Variants in IL1RAPL1 observed in about 807,000 individuals in gnomAD.
The protein encoded by IL1RAPL1 is interleukin-1 receptor accessory protein-like 1.
Under a neutral mutation model 48.4 loss-of-function variants are expected in IL1RAPL1, and 3 were observed. That is an observed-to-expected ratio of 0.06 (90% confidence interval 0.03 to 0.16). The LOEUF is 0.16. IL1RAPL1 is among the 10% of genes least tolerant of loss of function. The pLI is 1.00. For missense variants in IL1RAPL1, 349 were observed against 530.6 expected, an observed-to-expected ratio of 0.66 and a Z score of 3.36; for synonymous variants, 185 against 187.7, an observed-to-expected ratio of 0.99 and a Z score of 0.12.
In IL1RAPL1 at chrX:29,026,966, A is replaced by G. The variant is rs145598408; in HGVS notation, c.82+237541A>G. 1.1e-3 allele frequency among the ~76,000 whole-genome samples: 123 copies of G among 111,917 alleles called. 1 individual carries two copies. The East Asian group carries it at 0.03, about 27-fold the overall frequency. On this transcript the variant is annotated intron_variant, in intron 2 of 10. Transcript: ENST00000378993. Reference sequence around the variant, plus strand: ...TATATTCTCCACCCCATCTATACACAGCCTCCCCCTACAATTTACATCCTC... The same window carrying G: ...TATATTCTCCACCCCATCTATACACGGCCTCCCCCTACAATTTACATCCTC...
chrX:29,735,638 G>A lies in IL1RAPL1; in HGVS notation c.778+67134G>A, dbSNP rs148435459. ...ACTCATTCTGTCCGGTGTGAGAGTA[G>A]GTAGCAGCATTTCAAGAGGCTAAGA... is the stretch of plus-strand genomic sequence containing the variant. On this transcript the variant is annotated intron_variant, in intron 6 of 10. Coordinates refer to ENST00000378993, the MANE Select transcript of IL1RAPL1 (RefSeq NM_014271.4). Among the ~76,000 whole-genome samples, 331 of 111,937 alleles carry A rather than the reference G, an allele frequency of 3.0e-3. 2 individuals carry two copies. Among genetic ancestry groups the A allele is most frequent in the Non-Finnish European group, 2.5e-3 (135 of 53,266 alleles).
chrX:29,163,647 T>C (rs767935897), intron 2 of IL1RAPL1, among the ~76,000 whole-genome samples: 4 of 111,082 alleles, frequency 3.6e-5, no homozygotes, highest in Non-Finnish European at 5.7e-5. Flanking sequence ...AAAAGGGACA[T>C]GGTAGAAGCA....
chrX:28,933,993 C>A (rs1601964844), intron 2 of IL1RAPL1, among the ~76,000 whole-genome samples: 1 of 111,216 alleles, frequency 9.0e-6, no homozygotes, highest in Admixed American at 9.6e-5. Flanking sequence ...ATTTTCATTG[C>A]CATCTTCGGT....
intron 3 of IL1RAPL1, among the ~76,000 whole-genome samples, chrX:29,368,273 T>A (rs1396269212): frequency 2.7e-5 from 3 of 112,543 alleles, no homozygotes; most frequent in African/African-American, 9.7e-5. Context: ...TTTTATATAT[T>A]TTATGTATGT....
intron 5 of IL1RAPL1, among the ~76,000 whole-genome samples, chrX:29,411,737 G>A (rs1690420547): frequency 9.5e-6 from 1 of 105,473 alleles, no homozygotes; most frequent in Non-Finnish European, 1.9e-5. Flanking sequence ...TAACCATATG[G>A]CAGGTACTGT....
intron 1 of IL1RAPL1, among the ~76,000 whole-genome samples, chrX:28,780,948 A>T (rs1936416961): frequency 1.8e-5 from 2 of 111,487 alleles, no homozygotes; most frequent in African/African-American, 6.5e-5. Context: ...ATAATATTCC[A>T]TCTTACAGAT....
chrX:29,449,346 G>A (rs1470266639), intron 5 of IL1RAPL1, among the ~76,000 whole-genome samples: 3 of 110,917 alleles, frequency 2.7e-5, no homozygotes, highest in South Asian at 3.8e-4. Context: ...GTAAGTATGA[G>A]TGTGTGAATG....
At position 29,899,284 on chromosome X, in the gene IL1RAPL1, G is replaced by A. The variant is rs149284641; in HGVS notation, c.779-18180G>A. On this transcript the variant is annotated intron_variant, in intron 6 of 10. Transcript: ENST00000378993. ...GTCAGAGCTTCTCAAGAGATCACAC[G>A]TTTAGAGACAATTCAAATACTTTTA... Among the ~76,000 whole-genome samples the A allele has an allele frequency of 1.8e-3, 197 of 111,192 alleles. 1 individual carries two copies. The highest frequency in any genetic ancestry group is 6.1e-3 in the African/African-American group (187 of 30,603).
At chrX:28,900,617 A>C (rs1923049493) in intron 2 of IL1RAPL1, among the ~76,000 whole-genome samples, 1 of 112,524 alleles carries the variant, frequency 8.9e-6, no homozygotes, top group South Asian at 3.6e-4. Flanking sequence ...AATGTTTTAA[A>C]AGTATCAAAT....
rs771816175 is a variant in IL1RAPL1, at chrX:29,137,289, G to C, written c.83-145649G>C. 7.6e-3 allele frequency among the ~76,000 whole-genome samples: 684 copies of C among 90,363 alleles called. 7 individuals carry two copies. Among genetic ancestry groups the C allele is most frequent in the African/African-American group, 0.024 (644 of 27,244 alleles). 78.5% of individuals were successfully genotyped at this position (90,363 alleles called of 115,157 possible). On this transcript the variant is annotated intron_variant, in intron 2 of 10. Transcript: ENST00000378993. ...ACACACACACACACACACACACACA[G>C]TGGGAGAGTATTTTTGCCAAAACGT...
chrX:29,261,553 T>C (rs778449977), intron 2 of IL1RAPL1, among the ~76,000 whole-genome samples: 1 of 111,135 alleles, frequency 9.0e-6, no homozygotes, highest in Non-Finnish European at 1.9e-5. Flanking sequence ...CTTTTTGCCG[T>C]TATACGCTAT....
At chrX:29,843,771 T>A (rs1569183986) in intron 6 of IL1RAPL1, among the ~76,000 whole-genome samples, 1 of 105,262 alleles carries the variant, frequency 9.5e-6, no homozygotes, top group Non-Finnish European at 2.0e-5. Flanking sequence ...CTCTCTTCAA[T>A]TCTCTCTCTC....
Position 28,963,001 on chromosome X carries a change from CACTT to C in IL1RAPL1, c.82+173582_82+173585del, listed in dbSNP as rs1407015841. 6.3e-5 allele frequency among the ~76,000 whole-genome samples: 7 copies of C among 110,320 alleles called. No homozygotes were observed. The East Asian group carries it at 1.1e-3, about 18-fold the overall frequency. ...TAATTCATGATTTTGATAACTCCCT[CACTT>C]ACTTAGAGTGCTTTTTGAAAGATTT... On this transcript the variant is annotated intron_variant, in intron 2 of 10. Transcript: ENST00000378993.
At chrX:29,496,332 G>A (rs897983623) in intron 5 of IL1RAPL1, among the ~76,000 whole-genome samples, 3 of 110,850 alleles carry the variant, frequency 2.7e-5, no homozygotes, top group Non-Finnish European at 5.7e-5. Context: ...GCTGGAGGTG[G>A]GACCTAATGG....
At chrX:29,844,671 A>G (rs1417730744) in intron 6 of IL1RAPL1, among the ~76,000 whole-genome samples, 2 of 112,454 alleles carry the variant, frequency 1.8e-5, no homozygotes, top group Non-Finnish European at 3.8e-5. Flanking sequence ...TAATCTAGAG[A>G]TGATTTAAAG....
rs181136012 is a variant in IL1RAPL1 at position 29,169,425 on chromosome X, A to G, written c.83-113513A>G. 4.1e-3 allele frequency among the ~76,000 whole-genome samples: 452 copies of G among 110,831 alleles called. 7 individuals carry two copies. Among genetic ancestry groups the G allele is most frequent in the African/African-American group, 0.015 (446 of 30,682 alleles). On this transcript the variant is annotated intron_variant, in intron 2 of 10. Coordinates refer to ENST00000378993, the MANE Select transcript of IL1RAPL1 (RefSeq NM_014271.4). ...ATTATGATAATATTATGGCAGCTGT[A>G]TTTATTTTCCTGCTTTCTGTAAATT...
At chrX:29,692,079 G>A (rs1926790463) in intron 6 of IL1RAPL1, among the ~76,000 whole-genome samples, 2 of 111,715 alleles carry the variant, frequency 1.8e-5, no homozygotes, top group Admixed American at 9.5e-5. Context: ...GAATCATGTT[G>A]TGAAAGCCAT....
intron 6 of IL1RAPL1, among the ~76,000 whole-genome samples, chrX:29,817,957 G>A (rs924174155): frequency 9.0e-6 from 1 of 111,726 alleles, no homozygotes; most frequent in Admixed American, 9.6e-5. Flanking sequence ...GCAAGGAGAT[G>A]TCCCTGTAGT....
intron 6 of IL1RAPL1, among the ~76,000 whole-genome samples, chrX:29,799,701 G>A (rs182504553): frequency 2.2e-4 from 25 of 112,298 alleles, no homozygotes; most frequent in African/African-American, 7.8e-4. Flanking sequence ...CTACCATAGT[G>A]GACAGTGAAG....
Sources: gnomAD v4.1 joint callset for allele counts (sites outside exome capture counted in the v4.1 genomes callset) on GRCh38, gnomAD v4.1.1 for gene constraint, MANE v1.5 for transcripts, NCBI Gene and HGNC (gene_info 2026-07-23, HGNC 2026-07-21) for gene names.